Variants in OAS3 observed in about 807,000 individuals in gnomAD.
OAS3 encodes the protein 2'-5'-oligoadenylate synthetase 3.
A neutral mutation model predicts 113.0 loss-of-function variants in OAS3; 107 were observed. The observed-to-expected ratio is 0.95, with a 90% CI of 0.81 to 1.11. The LOEUF is 1.11. Ranked by LOEUF, OAS3 falls within the 50% of genes most tolerant of loss-of-function variation. OAS3 has a pLI of 0.00. For missense variants in OAS3, 1,258 were observed against 1,389.1 expected (o/e 0.91, Z 1.50); for synonymous variants, 552 against 573.6 (o/e 0.96, Z 0.54).
At position 112,965,901 on chromosome 12, in the gene OAS3, G is replaced by A. The variant is rs755508655; in HGVS notation, c.2561G>A (p.Arg854Gln). The A allele has an allele frequency of 1.2e-5, 20 of 1,613,564 alleles. No homozygotes were observed. Among genetic ancestry groups the A allele is most frequent in the Admixed American group, 1.7e-5 (1 of 59,964 alleles). Residue 854 changes from arginine to glutamine, a missense_variant, in exon 12 of 16, where the codon CGG (arginine) becomes CAG (glutamine). Physicochemically the swap from Arg to Gln is conservative, Grantham distance 43 (BLOSUM62 1). Coordinates refer to ENST00000228928, the MANE Select transcript of OAS3 (RefSeq NM_006187.4). Reference sequence around the variant, plus strand: ...CAGCTGGAGGCATGTCAACAGGAGCGGCAGTTCGAGGTCAAGTTTGAAGTC... The same window carrying A: ...CAGCTGGAGGCATGTCAACAGGAGCAGCAGTTCGAGGTCAAGTTTGAAGTC... ...RAQLEACQQE[R>Q]QFEVKFEVSK...
Position 112,941,622 on chromosome 12 carries a change from T to G in OAS3, c.230T>G (p.Leu77Arg), listed in dbSNP as rs764645229. The G allele has an allele frequency of 6.2e-7, 1 of 1,614,018 alleles. No homozygotes were observed. Among genetic ancestry groups the G allele is most frequent in the Admixed American group, 1.7e-5 (1 of 60,032 alleles). The change falls in exon 2 of 16, where the codon CTT becomes CGT. Residue 77 changes from leucine to arginine, a missense_variant. Physicochemically the swap from Leu to Arg is moderately radical, Grantham distance 102. Transcript: ENST00000228928. ...TALKGGCDSE[L>R]VIFLDCFKSY... ...CTCAAGGGTGGCTGTGATTCTGAAC[T>G]TGTCATCTTCCTCGACTGCTTCAAG...
chr12:112,954,439 C>T lies in OAS3; in HGVS notation c.1657+3464C>T, dbSNP rs532031932. ...CCTAGTAGCTGGGACTACAGGTGCC[C>T]GCCACCACATCTGGCTAATTTTTTT... On this transcript the variant is annotated intron_variant, in intron 7 of 15. Transcript: ENST00000228928. This position sits in a 1 kb window ranked among gnomAD's most constrained non-coding sequence, Gnocchi z 4.0. Among the ~76,000 whole-genome samples the T allele has an allele frequency of 1.1e-4, 17 of 152,206 alleles. No homozygotes were observed. The highest frequency in any genetic ancestry group is 2.4e-4 in the African/African-American group (10 of 41,540).
intron 1 of OAS3, among the ~76,000 whole-genome samples, chr12:112,939,213 T>A (rs1444249998): frequency 1.3e-5 from 2 of 152,022 alleles, no homozygotes; most frequent in Non-Finnish European, 2.9e-5. Context: ...TTACCTCATT[T>A]CATCCCCACG....
In OAS3 at chr12:112,965,971, C is replaced by A; in HGVS notation, c.2631C>A (p.Ser877=). ...GCGTGCTGAGCTTCTCACTGACATC[C>A]CAGACGATGCTGGACCAGAGTGTGG... is the stretch of plus-strand genomic sequence containing the variant. ...NPRVLSFSLT[S]QTMLDQSVDF... is the part of the protein sequence containing the mutation. The change falls in exon 12 of 16, where the codon TCC becomes TCA. Residue 877 remains serine (S), a synonymous_variant. Transcript: ENST00000228928. 6.2e-7 allele frequency: 1 copy of A among 1,614,008 alleles called. No individual in the cohort carries two copies. Among genetic ancestry groups the A allele is most frequent in the Non-Finnish European group, 8.5e-7 (1 of 1,179,894 alleles).
At chr12:112,947,910 G>T (rs1048277325) in intron 4 of OAS3, 36 bp from the exon 5 acceptor site, 1 of 1,538,976 alleles carries the variant, frequency 6.5e-7, no homozygotes, top group Non-Finnish European at 8.8e-7. Context: ...GAGCCCTCTT[G>T]CTAACCAGAA....
At chr12:112,952,536 T>G (rs2043801331) in intron 7 of OAS3, among the ~76,000 whole-genome samples, 1 of 141,234 alleles carries the variant, frequency 7.1e-6, no homozygotes. Context: ...TTATTTCTTT[T>G]GTTTTTGTTT....
chr12:112,946,892 T>C lies in OAS3; in HGVS notation c.786T>C (p.His262=), dbSNP rs754973889. 7.4e-6 allele frequency: 12 copies of C among 1,614,040 alleles called. No individual in the cohort carries two copies. The South Asian group carries it at 1.2e-4, about 16-fold the overall frequency. ...LRTVLGLIQQ[H]QHLCVFWTVN... Reference sequence around the variant, plus strand: ...CTGTCCTGGGCCTGATCCAACAGCATCAGCACCTGTGTGTTTTCTGGACTG... The same window carrying C: ...CTGTCCTGGGCCTGATCCAACAGCACCAGCACCTGTGTGTTTTCTGGACTG... Residue 262 remains histidine, a synonymous_variant, in exon 4 of 16, where the codon CAT becomes CAC. Transcript: ENST00000228928.
At chr12:112,952,963 T>A (rs2043804224) in intron 7 of OAS3, among the ~76,000 whole-genome samples, 1 of 152,200 alleles carries the variant, frequency 6.6e-6, no homozygotes, top group Non-Finnish European at 1.5e-5. Flanking sequence ...CTCTTTGATG[T>A]ATCTGTGTAT....
At chr12:112,959,597 T>C (rs1373266427) in intron 7 of OAS3, among the ~76,000 whole-genome samples, 1 of 152,134 alleles carries the variant, frequency 6.6e-6, no homozygotes, top group Non-Finnish European at 1.5e-5. Context: ...GCTCTTCAAA[T>C]ACTGCCTCTC....
Position 112,961,173 on chromosome 12 carries a change from G to A in OAS3, c.1760G>A (p.Arg587Gln), listed in dbSNP as rs368023053. ...CATAAGGCCTGCTTCGCAGAGCTGC[G>A]GAGGAACTTCATGAACATTCGCCCT... ...GEHKACFAEL[R>Q]RNFMNIRPVK... Residue 587 changes from arginine (R) to glutamine (Q), a missense_variant, in exon 8 of 16, where the codon CGG (arginine) becomes CAG (glutamine). Arg to Gln is a conservative substitution (Grantham distance 43). Transcript: ENST00000228928. The A allele has an allele frequency of 5.1e-5, 83 of 1,613,328 alleles. No individual in the cohort carries two copies. The highest frequency in any genetic ancestry group is 3.2e-4 in the African/African-American group (24 of 74,402).
Position 112,970,090 on chromosome 12 carries a change from ACATGTGTG to A in OAS3, c.*126_*133del. 2.5e-6 allele frequency: 3 copies of A among 1,221,914 alleles called. No individual in the cohort carries two copies. The highest frequency in any genetic ancestry group is 3.5e-6 in the Non-Finnish European group (3 of 845,644). The allele number at this position is 1,221,914 out of a possible 1,614,324, so 75.7% of individuals were successfully genotyped here. A position where few individuals can be genotyped will look rare whatever the true frequency, so the allele number is the denominator to read the frequency against. On this transcript the variant is annotated 3_prime_UTR_variant, in exon 16 of 16. Coordinates refer to ENST00000228928, the MANE Select transcript of OAS3 (RefSeq NM_006187.4). ...AGATTGTGTACATGTGTGTGTGAGC[ACATGTGTG>A]CATGTGTGTGCACACGTGTGCATGT...
intron 10 of OAS3, 40 bp from the exon 11 acceptor site, chr12:112,964,195 G>A (rs760862247): frequency 1.2e-5 from 18 of 1,548,038 alleles, no homozygotes; most frequent in Admixed American, 5.8e-5. Context: ...AGCACTGGGA[G>A]TCCCGTCTCA....
rs1460335596 is a variant in OAS3, at chr12:112,972,734, C to T, written c.*2761C>T. 6.6e-6 allele frequency: 1 copy of T among 152,146 alleles called. No individual in the cohort carries two copies. The highest frequency in any genetic ancestry group is 1.5e-5 in the Non-Finnish European group (1 of 68,030). The allele number at this position is 152,146 out of a possible 1,614,324, so 9.4% of individuals were successfully genotyped here. Reference sequence around the variant, plus strand: ...AAAGTAGTAAAAAGCTAAATGCAATCAATCAGCAATTGAAAGCTAAGTGAG... The same window carrying T: ...AAAGTAGTAAAAAGCTAAATGCAATTAATCAGCAATTGAAAGCTAAGTGAG... On this transcript the variant is annotated 3_prime_UTR_variant, in exon 16 of 16. Coordinates refer to ENST00000228928, the MANE Select transcript of OAS3 (RefSeq NM_006187.4).
intron 7 of OAS3, among the ~76,000 whole-genome samples, chr12:112,959,924 A>G (rs1226340429): frequency 6.6e-6 from 1 of 152,150 alleles, no homozygotes. Context: ...TGATGTCTTC[A>G]ATAATTTCCA....
chr12:112,967,710 C>A lies in OAS3; in HGVS notation c.2865+117C>A, dbSNP rs1372054383. On this transcript the variant is annotated intron_variant, in intron 13 of 15. Coordinates refer to ENST00000228928, the MANE Select transcript of OAS3 (RefSeq NM_006187.4). ...AAGATCCTGGGTTGGTGGAGCAGAGCAGAAAGAGTGCTATATCTCAGCTGT... is the reference window on the plus strand; with the variant it reads ...AAGATCCTGGGTTGGTGGAGCAGAGAAGAAAGAGTGCTATATCTCAGCTGT... 9 of 1,215,708 alleles carry A rather than the reference C, an allele frequency of 7.4e-6. No individual in the cohort carries two copies. The East Asian group carries it at 2.3e-4, about 31-fold the overall frequency. 75.3% of individuals were successfully genotyped at this position (1,215,708 alleles called of 1,614,324 possible). A position where few individuals can be genotyped will look rare whatever the true frequency, so the allele number is the denominator to read the frequency against.
At chr12:112,939,019 G>T (rs1017094843) in intron 1 of OAS3, among the ~76,000 whole-genome samples, 1 of 152,156 alleles carries the variant, frequency 6.6e-6, no homozygotes, top group African/African-American at 2.4e-5. Flanking sequence ...ACTCTCAGAG[G>T]CTGCTTCTTA....
In OAS3 at chr12:112,949,067, C is replaced by T. The variant is rs759193740; in HGVS notation, c.1236C>T (p.Pro412=). The T allele has an allele frequency of 5.0e-6, 8 of 1,613,888 alleles. No individual in the cohort carries two copies. The highest frequency in any genetic ancestry group is 6.8e-6 in the Non-Finnish European group (8 of 1,179,902). The change falls in exon 6 of 16, where the codon CCC becomes CCT. Residue 412 remains proline, a synonymous_variant. Coordinates refer to ENST00000228928, the MANE Select transcript of OAS3 (RefSeq NM_006187.4). ...PGMALDLSQI[P]TKELDRFIQD... is the part of the protein sequence containing the mutation. ...TGGCCTTGGACCTGTCTCAGATCCC[C>T]ACCAAGGAGCTGGACCGCTTCATCC...
rs1041427863 is a variant in OAS3 at position 112,972,622 on chromosome 12, A to C, written c.*2649A>C. ...GTCTTAGCCAATATTAAAACATACT[A>C]TGAAGCCTCTGATACTTAAACAGCA... On this transcript the variant is annotated 3_prime_UTR_variant, in exon 16 of 16. Coordinates refer to ENST00000228928, the MANE Select transcript of OAS3 (RefSeq NM_006187.4). 1 of 152,242 alleles carries C rather than the reference A, an allele frequency of 6.6e-6. No homozygotes were observed. Among genetic ancestry groups the C allele is most frequent in the Admixed American group, 6.5e-5 (1 of 15,282 alleles). 9.4% of individuals were successfully genotyped at this position (152,242 alleles called of 1,614,324 possible). A position where few individuals can be genotyped will look rare whatever the true frequency, so the allele number is the denominator to read the frequency against.
chr12:112,939,679 T>G (rs1406508175), intron 1 of OAS3, among the ~76,000 whole-genome samples: 1 of 152,158 alleles, frequency 6.6e-6, no homozygotes, highest in East Asian at 1.9e-4. Context: ...TCCGGGTCAC[T>G]TTTTGTCACT....
Sources: allele counts gnomAD v4.1 joint callset (sites outside exome capture counted in the v4.1 genomes callset), GRCh38; gene constraint gnomAD v4.1.1; non-coding constraint Gnocchi (gnomAD v3.1); transcripts MANE v1.5; gene names NCBI Gene and HGNC (gene_info 2026-07-23, HGNC 2026-07-21).